The following MAOB variants were observed in gnomAD, a reference collection of about 807,000 sequenced individuals.
MAOB encodes the protein amine oxidase [flavin-containing] B.
Under a neutral mutation model 41.9 loss-of-function variants are expected in MAOB, and 15 were observed. That is an observed-to-expected ratio of 0.36 (90% CI 0.24 to 0.55). The LOEUF is 0.55. Among genes scored for constraint, MAOB ranks in the 20% least tolerant of loss-of-function variants. The pLI is 0.86. For synonymous variants in MAOB, 167 were observed against 144.2 expected (o/e 1.16, Z -1.13); for missense variants, 345 against 398.7 (o/e 0.87, Z 1.15).
chrX:43,853,112 C>T (rs2035262635), intron 1 of MAOB, among the ~76,000 whole-genome samples: 1 of 108,391 alleles, frequency 9.2e-6, no homozygotes, highest in Non-Finnish European at 1.9e-5. Flanking sequence ...ACTAAAAATA[C>T]AAAAAATTAG....
chrX:43,840,068 G>C (rs904387047), intron 2 of MAOB, among the ~76,000 whole-genome samples: 2 of 112,285 alleles, frequency 1.8e-5, no homozygotes, highest in East Asian at 2.8e-4. Context: ...AAGGTAAAAA[G>C]AGATATTTGA....
intron 10 of MAOB, among the ~76,000 whole-genome samples, chrX:43,779,875 C>A (rs1221310909): frequency 9.0e-6 from 1 of 111,389 alleles, no homozygotes; most frequent in South Asian, 3.8e-4. Flanking sequence ...GAAGAAATTG[C>A]CACCTCCAGA....
chrX:43,852,927 G>A (rs1271760614), intron 1 of MAOB, among the ~76,000 whole-genome samples: 3 of 111,540 alleles, frequency 2.7e-5, no homozygotes, highest in Non-Finnish European at 5.6e-5. Context: ...AGGCAAGGAA[G>A]AGGTTAACTA....
At chrX:43,799,369 A>G (rs954517316) in intron 5 of MAOB, among the ~76,000 whole-genome samples, 2 of 112,145 alleles carry the variant, frequency 1.8e-5, no homozygotes, top group African/African-American at 3.2e-5. Flanking sequence ...CTAAAATCCT[A>G]TTTCTTTTCT....
At chrX:43,849,495 C>T (rs2035234141) in intron 1 of MAOB, among the ~76,000 whole-genome samples, 2 of 112,697 alleles carry the variant, frequency 1.8e-5, no homozygotes, top group South Asian at 7.3e-4. Context: ...ACACTCCTGG[C>T]TAGTAAATTT....
chrX:43,812,201 CT>C (rs1304486801), intron 3 of MAOB, among the ~76,000 whole-genome samples: 2 of 112,289 alleles, frequency 1.8e-5, no homozygotes, highest in Admixed American at 9.4e-5. Flanking sequence ...CTGTATAGTA[CT>C]TCATAGTGTA....
intron 3 of MAOB, among the ~76,000 whole-genome samples, chrX:43,816,344 T>C (rs1242365617): frequency 1.8e-5 from 2 of 111,833 alleles, no homozygotes; most frequent in South Asian, 3.8e-4. Context: ...ATGTATGCTA[T>C]ACATCAACAA....
chrX:43,837,935 G>A lies in MAOB; in HGVS notation c.279+933C>T, dbSNP rs181085756. ...CCAAGATGAGGATGCTGGAAAAACA[G>A]AGGAGCAGGGAGATGTGAAGAGAGT... On this transcript the variant is annotated intron_variant, in intron 3 of 14. Coordinates refer to ENST00000378069, the MANE Select transcript of MAOB (RefSeq NM_000898.5). 10 of 329,401 alleles carry A rather than the reference G, an allele frequency of 3.0e-5. No individual in the cohort carries two copies. The Admixed American group carries it at 3.1e-4, about 10-fold the overall frequency. The allele number at this position is 329,401 out of a possible 1,213,427, so 27.1% of individuals were successfully genotyped here.
intron 1 of MAOB, among the ~76,000 whole-genome samples, chrX:43,856,227 G>A (rs779148245): frequency 8.2e-5 from 9 of 110,312 alleles, no homozygotes; most frequent in Non-Finnish European, 1.5e-4. Flanking sequence ...GGGATTACAG[G>A]TACACGCCAC....
chrX:43,781,334 A>T (rs1185436795), intron 9 of MAOB, 114 bp downstream of exon 9: 1 of 351,072 alleles, frequency 2.8e-6, no homozygotes, highest in Non-Finnish European at 4.8e-6. Flanking sequence ...TTGAAAAATA[A>T]TACCACTGGG....
rs2034290745 is a variant in MAOB, at chrX:43,778,665, T to C, written c.1137+17A>G. The C allele has an allele frequency of 3.3e-6, 4 of 1,197,819 alleles. No homozygotes were observed. The highest frequency in any genetic ancestry group is 2.2e-5 in the Admixed American group (1 of 45,484). On this transcript the variant is annotated intron_variant, in intron 11 of 14. Coordinates refer to ENST00000378069, the MANE Select transcript of MAOB (RefSeq NM_000898.5). ...AAGGCCTCTCACCCTTAGTATAGGGTTGGGAAGCAGCCTTACCTCCAGAGC... is the reference window on the plus strand; with the variant it reads ...AAGGCCTCTCACCCTTAGTATAGGGCTGGGAAGCAGCCTTACCTCCAGAGC...
At chrX:43,820,046 C>A (rs1312963524) in intron 3 of MAOB, among the ~76,000 whole-genome samples, 1 of 112,319 alleles carries the variant, frequency 8.9e-6, no homozygotes, top group Non-Finnish European at 1.9e-5. Context: ...AACAACAACT[C>A]CTATTATACA....
At chrX:43,853,424 A>T (rs186633403) in intron 1 of MAOB, among the ~76,000 whole-genome samples, 6 of 110,982 alleles carry the variant, frequency 5.4e-5, no homozygotes, top group Non-Finnish European at 7.6e-5. Context: ...CCTCAGCTAG[A>T]GCAAGGAGGA....
intron 1 of MAOB, among the ~76,000 whole-genome samples, chrX:43,848,846 CA>C (rs1251712773): frequency 8.9e-6 from 1 of 111,887 alleles, no homozygotes; most frequent in Non-Finnish European, 1.9e-5. Context: ...CAATAATATG[CA>C]AACATCCCTC....
rs755689863 is a variant in MAOB, at chrX:43,838,947, C to T, written c.200G>A (p.Arg67His). The change falls in exon 3 of 15, where the codon CGT (arginine) becomes CAT (histidine). Residue 67 changes from arginine (R) to histidine (H), a missense_variant. By Grantham distance (29) the Arg-to-His change is conservative. Coordinates refer to ENST00000378069, the MANE Select transcript of MAOB (RefSeq NM_000898.5). ...TAGCTCCTTGGCTAATCTCAAGATA[C>T]GATTCTGGGTTGGTCCAACATAGGA... ...GGSYVGPTQN[R>H]ILRLAKELGL... The T allele has an allele frequency of 9.1e-6, 11 of 1,204,912 alleles. No homozygotes were observed. In the Admixed American group the frequency reaches 1.3e-4, roughly 14 times the overall value.
chrX:43,780,471 T>G (rs756219701), intron 9 of MAOB, 76 bp from the exon 10 acceptor site: 81 of 720,664 alleles, frequency 1.1e-4, no homozygotes, highest in Middle Eastern at 3.8e-4. Flanking sequence ...TAGCTACACA[T>G]GTGCCCAGTT....
chrX:43,840,952 G>A (rs1367322233), intron 2 of MAOB, among the ~76,000 whole-genome samples: 1 of 101,266 alleles, frequency 9.9e-6, no homozygotes, highest in African/African-American at 3.7e-5. Context: ...GGACAGAACC[G>A]TTCACTCCCC....
intron 3 of MAOB, among the ~76,000 whole-genome samples, chrX:43,803,658 C>T (rs1036404590): frequency 1.8e-5 from 2 of 111,808 alleles, no homozygotes; most frequent in African/African-American, 6.5e-5. Flanking sequence ...GAAACTGGAG[C>T]CTTTACCATA....
intron 1 of MAOB, among the ~76,000 whole-genome samples, chrX:43,862,568 A>G (rs774359656): frequency 8.9e-6 from 1 of 112,182 alleles, no homozygotes; most frequent in South Asian, 3.7e-4. Flanking sequence ...AAATATGTTC[A>G]AGGAAGTCTA....
Sources: allele counts gnomAD v4.1 joint callset (sites outside exome capture counted in the v4.1 genomes callset), GRCh38; gene constraint gnomAD v4.1.1; transcripts MANE v1.5; gene names NCBI Gene and HGNC (gene_info 2026-07-23, HGNC 2026-07-21).